The following EPHA6 variants were observed in gnomAD, a reference collection of about 807,000 sequenced individuals.
The protein encoded by EPHA6 is EPH receptor A6, also known as ephrin type-A receptor 6.
In EPHA6, 50 loss-of-function variants were observed where a neutral mutation model predicts 112.0. The observed-to-expected ratio is 0.45, with a 90% CI of 0.36 to 0.56. EPHA6 has a LOEUF of 0.56. Among genes scored for constraint, EPHA6 ranks in the 20% least tolerant of loss-of-function variants. The pLI is 0.00. For missense variants in EPHA6, 1,280 were observed against 1,417.4 expected (o/e 0.90, Z 1.56); for synonymous variants, 529 against 490.7 (o/e 1.08, Z -1.03).
chr3:97,581,588 G>A (rs1053703759), intron 11 of EPHA6, among the ~76,000 whole-genome samples: 2 of 152,214 alleles, frequency 1.3e-5, no homozygotes, highest in Non-Finnish European at 2.9e-5. Flanking sequence ...GGTCTATTTT[G>A]TGCCAGGCAC....
chr3:97,635,051 A>T (rs1323768525), intron 13 of EPHA6, among the ~76,000 whole-genome samples: 1 of 151,728 alleles, frequency 6.6e-6, no homozygotes, highest in Non-Finnish European at 1.5e-5. Context: ...CTGCAGTTTT[A>T]CCCATCAGAG....
intron 4 of EPHA6, among the ~76,000 whole-genome samples, chr3:97,238,097 C>T (rs1317353204): frequency 1.3e-5 from 2 of 151,918 alleles, no homozygotes; most frequent in Admixed American, 1.3e-4. Context: ...AAATTATGTA[C>T]ATGCTGTATG....
intron 2 of EPHA6, among the ~76,000 whole-genome samples, chr3:96,957,107 T>G (rs1377313110): frequency 1.3e-5 from 2 of 151,938 alleles, no homozygotes; most frequent in African/African-American, 2.4e-5. Flanking sequence ...TTTACAGACT[T>G]AACTGAAAGT....
intron 4 of EPHA6, among the ~76,000 whole-genome samples, chr3:97,234,879 A>G (rs2078636564): frequency 6.6e-6 from 1 of 152,006 alleles, no homozygotes; most frequent in Non-Finnish European, 1.5e-5. Context: ...TGATTGTGGG[A>G]TCTGACAACC....
At chr3:97,493,708 T>G (rs9289381) in intron 10 of EPHA6, among the ~76,000 whole-genome samples, 10,308 of 152,066 alleles carry the variant, frequency 0.068, 1,091 homozygotes, top group African/African-American at 0.22. Flanking sequence ...CCAAGTGTCT[T>G]CATGAGTAAA....
chr3:96,880,939 G>T (rs1202994544), intron 2 of EPHA6, among the ~76,000 whole-genome samples: 1 of 151,874 alleles, frequency 6.6e-6, no homozygotes, highest in Non-Finnish European at 1.5e-5. Flanking sequence ...TGAACATTTG[G>T]GCTTTGTGCA....
chr3:97,257,327 G>A (rs1227989964), intron 5 of EPHA6, among the ~76,000 whole-genome samples: 2 of 151,748 alleles, frequency 1.3e-5, no homozygotes, highest in African/African-American at 2.4e-5. Context: ...GAAAATAAAG[G>A]GTAAGCTGGG....
intron 2 of EPHA6, among the ~76,000 whole-genome samples, chr3:96,943,357 A>C (rs549462539): frequency 6.6e-6 from 1 of 152,232 alleles, no homozygotes; most frequent in African/African-American, 2.4e-5. Flanking sequence ...ATTATTATAC[A>C]GTGTATACAT....
At chr3:97,171,300 G>C (rs1377632579) in intron 3 of EPHA6, among the ~76,000 whole-genome samples, 1 of 152,102 alleles carries the variant, frequency 6.6e-6, no homozygotes, top group African/African-American at 2.4e-5. Context: ...TCTAATGAAT[G>C]AAAAGTGTGA....
chr3:97,562,829 C>T (rs1049566124), intron 11 of EPHA6, among the ~76,000 whole-genome samples: 5 of 152,086 alleles, frequency 3.3e-5, no homozygotes, highest in East Asian at 1.9e-4. Flanking sequence ...CCCCAACGTT[C>T]GGATACATCA....
chr3:97,184,106 T>C (rs767876463), intron 3 of EPHA6, among the ~76,000 whole-genome samples: 12 of 152,140 alleles, frequency 7.9e-5, no homozygotes, highest in Non-Finnish European at 1.6e-4. Flanking sequence ...CCATGTATTT[T>C]TAAAACCACT....
In EPHA6 at chr3:97,551,229, T is replaced by G. The variant is rs79763204; in HGVS notation, c.2386+18686T>G. Reference sequence around the variant, plus strand: ...ATTCCCCCACATTATCTAGTCTGTATCTTGTATTTTATGGCATTCAATCCT... The same window carrying G: ...ATTCCCCCACATTATCTAGTCTGTAGCTTGTATTTTATGGCATTCAATCCT... On this transcript the variant is annotated intron_variant, in intron 11 of 17. Coordinates refer to ENST00000389672, the MANE Select transcript of EPHA6 (RefSeq NM_001080448.3). 2.0e-5 allele frequency among the ~76,000 whole-genome samples: 3 copies of G among 152,288 alleles called. No individual in the cohort carries two copies. The East Asian group carries it at 5.8e-4, about 29-fold the overall frequency.
intron 12 of EPHA6, among the ~76,000 whole-genome samples, chr3:97,601,927 A>G (rs1356293385): frequency 1.3e-5 from 2 of 152,104 alleles, no homozygotes; most frequent in Non-Finnish European, 2.9e-5. Context: ...AAATATTTGA[A>G]CATTTATTTA....
intron 5 of EPHA6, among the ~76,000 whole-genome samples, chr3:97,387,099 C>T (rs1232380662): frequency 6.6e-6 from 1 of 152,200 alleles, no homozygotes; most frequent in East Asian, 1.9e-4. Context: ...GGCCTCCAGG[C>T]CTGTAATGGA....
Position 97,757,150 on chromosome 3 carries a change from T to G in EPHA6, c.*8449T>G, listed in dbSNP as rs753712075. ...AGGAAAACACTAAAAGGTAATACAG[T>G]ACAAAGAGGAGTTTGTTTTAAAATT... On this transcript the variant is annotated 3_prime_UTR_variant, in exon 18 of 18. Transcript: ENST00000389672. 2.0e-5 allele frequency among the ~76,000 whole-genome samples: 3 copies of G among 151,808 alleles called. No homozygotes were observed. The highest frequency in any genetic ancestry group is 4.4e-5 in the Non-Finnish European group (3 of 67,732).
At chr3:97,491,416 T>C (rs1037899912) in intron 10 of EPHA6, among the ~76,000 whole-genome samples, 7 of 152,106 alleles carry the variant, frequency 4.6e-5, no homozygotes, top group Non-Finnish European at 1.0e-4. Context: ...TCTTGTAAGA[T>C]GGATAGTGGG....
intron 11 of EPHA6, among the ~76,000 whole-genome samples, chr3:97,571,394 A>T (rs985123184): frequency 2.0e-5 from 3 of 152,160 alleles, no homozygotes; most frequent in Admixed American, 2.0e-4. Flanking sequence ...AAAGTTTTAA[A>T]GTTAAAACCC....
intron 3 of EPHA6, among the ~76,000 whole-genome samples, chr3:97,211,903 A>T (rs1224703777): frequency 6.6e-6 from 1 of 152,226 alleles, no homozygotes; most frequent in Non-Finnish European, 1.5e-5. Flanking sequence ...AGAATAACCA[A>T]AATATTATAT....
chr3:97,329,151 CT>C (rs1553748156), intron 5 of EPHA6, among the ~76,000 whole-genome samples: 5 of 151,988 alleles, frequency 3.3e-5, no homozygotes, highest in Non-Finnish European at 7.4e-5. Context: ...TGAACTCATC[CT>C]TTTTTATGGC....
Sources: gnomAD v4.1 joint callset for allele counts (sites outside exome capture counted in the v4.1 genomes callset) on GRCh38, gnomAD v4.1.1 for gene constraint, MANE v1.5 for transcripts, NCBI Gene and HGNC (gene_info 2026-07-23, HGNC 2026-07-21) for gene names.